Variants in EDRF1 observed in about 807,000 individuals in gnomAD.
EDRF1 encodes erythroid differentiation-related factor 1.
EDRF1 carries 69 observed loss-of-function variants against 148.7 expected under a neutral mutation model. The ratio of observed to expected loss-of-function variants is 0.46; its 90% confidence interval spans 0.38 to 0.57. EDRF1 has a LOEUF of 0.57. Ranked by LOEUF, EDRF1 falls within the 20% of genes least tolerant of loss-of-function variation. The probability of loss-of-function intolerance (pLI) is 0.00; values close to 1 mark genes in which losing one functional copy is unlikely to be tolerated. For missense variants in EDRF1, 1,118 were observed against 1,478.7 expected (o/e 0.76, Z 4.00); for synonymous variants, 515 against 532.8 (o/e 0.97, Z 0.46).
intron 14 of EDRF1, 103 bp downstream of exon 14, chr10:125,738,092 G>C (rs946774662): frequency 2.2e-6 from 3 of 1,384,544 alleles, no homozygotes; most frequent in Admixed American, 3.4e-5. Flanking sequence ...ATTGTGTTCT[G>C]CTGCGATTTT....
intron 6 of EDRF1, among the ~76,000 whole-genome samples, chr10:125,727,418 A>C (rs1848309055): frequency 6.6e-6 from 1 of 152,208 alleles, no homozygotes; most frequent in South Asian, 2.1e-4. Flanking sequence ...GCCTTTGTTA[A>C]GCAGTTATAG....
At chr10:125,748,083 A>G (rs1300475264) in intron 21 of EDRF1, 71 bp downstream of exon 21, 1 of 1,560,722 alleles carries the variant, frequency 6.4e-7, no homozygotes, top group Non-Finnish European at 8.8e-7. Flanking sequence ...TTGTTTTTTT[A>G]ACATGGTCAT....
intron 15 of EDRF1, among the ~76,000 whole-genome samples, chr10:125,738,667 C>T (rs1848856841): frequency 6.6e-6 from 1 of 152,178 alleles, no homozygotes; most frequent in South Asian, 2.1e-4. Flanking sequence ...CCTGCATCTT[C>T]CTGTTACCCA....
intron 11 of EDRF1, 53 bp from the exon 12 acceptor site, chr10:125,734,019 C>A: frequency 1.4e-6 from 2 of 1,401,998 alleles, no homozygotes; most frequent in South Asian, 1.2e-5. Flanking sequence ...AGACTTGAGT[C>A]TTGCAGACAA....
chr10:125,753,558 G>T, intron 23 of EDRF1, 136 bp from the exon 24 acceptor site: 1 of 910,232 alleles, frequency 1.1e-6, no homozygotes. Flanking sequence ...ATGATCATAG[G>T]TGTGCTTTTT....
chr10:125,742,174 T>C, intron 17 of EDRF1: 1 of 1,234,672 alleles, frequency 8.1e-7, no homozygotes, highest in Non-Finnish European at 1.1e-6. Flanking sequence ...AGTTAGTTCA[T>C]AGCCACCTGT....
intron 12 of EDRF1, among the ~76,000 whole-genome samples, chr10:125,735,370 T>G (rs890033493): frequency 2.6e-5 from 4 of 152,186 alleles, no homozygotes; most frequent in African/African-American, 9.7e-5. Context: ...AGCTTTTGTT[T>G]GTCTCCAGTG....
intron 4 of EDRF1, 85 bp from the exon 5 acceptor site, chr10:125,725,233 A>G (rs1848200001): frequency 6.6e-7 from 1 of 1,510,224 alleles, no homozygotes. Flanking sequence ...AAAAAATAAT[A>G]GGAGCCTTTT....
At chr10:125,725,649 A>G (rs747928020) in intron 5 of EDRF1, 33 bp from the exon 6 acceptor site, 2 of 1,613,754 alleles carry the variant, frequency 1.2e-6, no homozygotes, top group South Asian at 1.1e-5. Context: ...AACTTTAGTA[A>G]CAGCAATCCT....
intron 24 of EDRF1, among the ~76,000 whole-genome samples, chr10:125,762,849 T>TA (rs1279876960): frequency 1.3e-5 from 2 of 152,146 alleles, no homozygotes; most frequent in African/African-American, 4.8e-5. Flanking sequence ...ACAGAGGAAA[T>TA]ACTGCATAGC....
At position 125,738,456 on chromosome 10, in the gene EDRF1, T is replaced by A. The variant is rs755732740; in HGVS notation, c.1981+11T>A. On this transcript the variant is annotated intron_variant, in intron 15 of 24. Transcript: ENST00000356792. The stretch of plus-strand genomic sequence containing the variant: ...TGTTTTTGGACAAAAGTAAGTTGAA[T>A]TGATGTGCAAATAAGGCCTTCAATA... The A allele has an allele frequency of 6.2e-7, 1 of 1,614,016 alleles. No individual in the cohort carries two copies. The highest frequency in any genetic ancestry group is 8.5e-7 in the Non-Finnish European group (1 of 1,179,942).
chr10:125,753,955 C>T lies in EDRF1; in HGVS notation c.3545+110C>T, dbSNP rs565646465. 123 of 1,198,566 alleles carry T rather than the reference C, an allele frequency of 1.0e-4. 2 individuals carry two copies. In the South Asian group the frequency reaches 1.5e-3, roughly 15 times the overall value. The allele number at this position is 1,198,566 out of a possible 1,614,324, so 74.2% of individuals were successfully genotyped here. ...TAGGGGCCAGGCACATTGGCTCACACCTGCAATCCCAGCACTTTGGGAGGC... is the reference window on the plus strand; with the variant it reads ...TAGGGGCCAGGCACATTGGCTCACATCTGCAATCCCAGCACTTTGGGAGGC... On this transcript the variant is annotated intron_variant, in intron 24 of 24. Coordinates refer to ENST00000356792, the MANE Select transcript of EDRF1 (RefSeq NM_001202438.2).
chr10:125,736,694 A>G (rs934593396), intron 13 of EDRF1, among the ~76,000 whole-genome samples: 2 of 152,102 alleles, frequency 1.3e-5, no homozygotes, highest in Non-Finnish European at 2.9e-5. Flanking sequence ...TGCCGTGGCC[A>G]TGCTGGGTTT....
intron 3 of EDRF1, among the ~76,000 whole-genome samples, 153 bp downstream of exon 3, chr10:125,723,287 G>A (rs1848092376): frequency 6.6e-6 from 1 of 152,092 alleles, no homozygotes; most frequent in African/African-American, 2.4e-5. Flanking sequence ...TATCTTTTTT[G>A]TTGTTAAAGT....
At chr10:125,758,575 C>T (rs571606104) in intron 24 of EDRF1, among the ~76,000 whole-genome samples, 2 of 152,222 alleles carry the variant, frequency 1.3e-5, no homozygotes, top group East Asian at 3.9e-4. Context: ...GCGATGGTTA[C>T]CTTCCATGTA....
At chr10:125,735,605 A>G (rs1339880156) in intron 12 of EDRF1, 39 bp from the exon 13 acceptor site, 2 of 1,598,770 alleles carry the variant, frequency 1.3e-6, no homozygotes, top group African/African-American at 1.3e-5. Context: ...GTATTTTTTG[A>G]TGACAGTAAT....
chr10:125,750,246 T>G (rs1411856571), intron 22 of EDRF1, among the ~76,000 whole-genome samples: 1 of 152,162 alleles, frequency 6.6e-6, no homozygotes, highest in African/African-American at 2.4e-5. Context: ...CCCTTAAACA[T>G]AGAACTGACC....
At position 125,736,688 on chromosome 10, in the gene EDRF1, G is replaced by A. The variant is rs564974948; in HGVS notation, c.1758+784G>A. Among the ~76,000 whole-genome samples the A allele has an allele frequency of 4.6e-5, 7 of 152,084 alleles. No homozygotes were observed. The East Asian group carries it at 7.7e-4, about 17-fold the overall frequency. ...CCTTCACTTGCTCCATTGGTTTGCC[G>A]TGGCCATGCTGGGTTTTTTTTCTCT... On this transcript the variant is annotated intron_variant, in intron 13 of 24. Transcript: ENST00000356792.
At chr10:125,738,030 T>A in intron 14 of EDRF1, 41 bp downstream of exon 14, 1 of 1,566,792 alleles carries the variant, frequency 6.4e-7, no homozygotes, top group Non-Finnish European at 8.8e-7. Flanking sequence ...GTAAAGTTTG[T>A]ACTTGATTAT....
Sources: allele counts gnomAD v4.1 joint callset (sites outside exome capture counted in the v4.1 genomes callset), GRCh38; gene constraint gnomAD v4.1.1; transcripts MANE v1.5; gene names NCBI Gene and HGNC (gene_info 2026-07-23, HGNC 2026-07-21).